The following TOP2B variants were observed in gnomAD, a reference collection of about 807,000 sequenced individuals.
TOP2B encodes DNA topoisomerase 2-beta.
Under a neutral mutation model 193.5 loss-of-function variants are expected in TOP2B, and 51 were observed. The ratio of observed to expected loss-of-function variants is 0.26; its 90% CI spans 0.21 to 0.33. The LOEUF (loss-of-function observed/expected upper bound fraction) is 0.33, where lower values mean the gene tolerates loss of function less well. TOP2B is among the 10% of genes least tolerant of loss of function. The pLI, the probability that TOP2B is intolerant of heterozygous loss-of-function variation, is 1.00. For missense variants in TOP2B, 1,378 were observed against 1,909.3 expected (o/e 0.72, Z 5.19); for synonymous variants, 634 against 635.7 (o/e 1.00, Z 0.04).
At chr3:25,641,972 A>G (rs2125392911) in intron 4 of TOP2B, among the ~76,000 whole-genome samples, 1 of 152,238 alleles carries the variant, frequency 6.6e-6, no homozygotes, top group East Asian at 1.9e-4. Flanking sequence ...AACTCCAAAC[A>G]CCAGTCATGA....
At chr3:25,631,079 A>G in intron 10 of TOP2B, 140 bp from the exon 11 acceptor site, 1 of 583,808 alleles carries the variant, frequency 1.7e-6, no homozygotes, top group Non-Finnish European at 2.8e-6. Context: ...GATAAGCATC[A>G]TGATACATGC....
Position 25,632,783 on chromosome 3 carries a change from G to A in TOP2B, c.1038C>T (p.His346=), listed in dbSNP as rs375158958. 4.7e-5 allele frequency: 75 copies of A among 1,611,944 alleles called. 2 individuals carry two copies. In the Middle Eastern group the frequency reaches 5.0e-4, roughly 11 times the overall value. ...NSIATTKGGR[H]VDYVVDQVVG... The stretch of plus-strand genomic sequence containing the variant: ...CAACTTGATCTACCACATAATCCAC[G>A]TGCCGTCCACCCTAAAGAAAAAAAA... Residue 346 remains histidine (H), a synonymous_variant, in exon 9 of 36, where the codon CAC becomes CAT. Coordinates refer to ENST00000264331, the MANE Select transcript of TOP2B (RefSeq NM_001330700.2).
At chr3:25,646,453 A>C (rs1350750555) in intron 1 of TOP2B, among the ~76,000 whole-genome samples, 2 of 152,184 alleles carry the variant, frequency 1.3e-5, no homozygotes, top group Non-Finnish European at 2.9e-5. Flanking sequence ...GAGGATGTCA[A>C]ATCAAATTTC....
At chr3:25,601,063 G>C (rs756684983) in intron 34 of TOP2B, 37 bp downstream of exon 34, 31 of 1,598,520 alleles carry the variant, frequency 1.9e-5, no homozygotes, top group Non-Finnish European at 2.6e-5. Context: ...TTTCCACACA[G>C]CATATGTTTA....
In TOP2B at chr3:25,617,051, T is replaced by A. The variant is rs576002456; in HGVS notation, c.3351+1367A>T. On this transcript the variant is annotated intron_variant, in intron 25 of 35. Coordinates refer to ENST00000264331, the MANE Select transcript of TOP2B (RefSeq NM_001330700.2). Reference sequence around the variant, plus strand: ...TTTGTTACCTGAACTCCCCAAAATGTACACATGGCCAAGATGCTGAAAAAA... The same window carrying A: ...TTTGTTACCTGAACTCCCCAAAATGAACACATGGCCAAGATGCTGAAAAAA... Among the ~76,000 whole-genome samples the A allele has an allele frequency of 2.0e-5, 3 of 152,178 alleles. No individual in the cohort carries two copies. In the East Asian group the frequency reaches 5.8e-4, roughly 29 times the overall value.
chr3:25,615,199 A>G lies in TOP2B; in HGVS notation c.3591+6T>C. The G allele has an allele frequency of 6.2e-7, 1 of 1,605,698 alleles. No individual in the cohort carries two copies. Among genetic ancestry groups the G allele is most frequent in the Non-Finnish European group, 8.5e-7 (1 of 1,176,146 alleles). On this transcript the variant is annotated splice_donor_region_variant and intron_variant, in intron 27 of 35. Coordinates refer to ENST00000264331, the MANE Select transcript of TOP2B (RefSeq NM_001330700.2). ...CCAAATAAATTTTAATAGAGACTTA[A>G]CCTACATCCAGTTCTTCAACAAATG...
intron 23 of TOP2B, 83 bp from the exon 24 acceptor site, chr3:25,618,932 A>C (rs915176642): frequency 9.4e-7 from 1 of 1,061,426 alleles, no homozygotes; most frequent in African/African-American, 1.6e-5. Flanking sequence ...TACTTAAAAT[A>C]ACCATAATAT....
intron 8 of TOP2B, 85 bp from the exon 9 acceptor site, chr3:25,632,879 C>G: frequency 7.0e-6 from 8 of 1,142,536 alleles, no homozygotes; most frequent in Non-Finnish European, 1.0e-5. Context: ...ACCCTATTTT[C>G]TAAAAGAGTA....
intron 7 of TOP2B, 114 bp from the exon 8 acceptor site, chr3:25,634,128 C>T: frequency 7.8e-6 from 6 of 766,972 alleles, no homozygotes; most frequent in Non-Finnish European, 1.2e-5. Flanking sequence ...GTTCTAAGTG[C>T]ACCGATCCAA....
At chr3:25,642,418 C>G (rs1038536094) in intron 3 of TOP2B, 33 bp from the exon 4 acceptor site, 43 of 1,370,532 alleles carry the variant, frequency 3.1e-5, no homozygotes, top group Non-Finnish European at 4.2e-5. Flanking sequence ...GAGTAATATA[C>G]AAAATTATAT....
At chr3:25,611,704 A>G (rs1702375690) in intron 28 of TOP2B, among the ~76,000 whole-genome samples, 1 of 151,858 alleles carries the variant, frequency 6.6e-6, no homozygotes. Context: ...TTAATCCTCA[A>G]TAGCACCTAT....
intron 7 of TOP2B, 92 bp from the exon 8 acceptor site, chr3:25,634,106 T>C (rs1374972457): frequency 6.2e-6 from 6 of 967,774 alleles, no homozygotes; most frequent in Non-Finnish European, 9.1e-6. Context: ...TCATTTCCTC[T>C]CACTTACAAC....
chr3:25,622,186 C>CCT, intron 21 of TOP2B, among the ~76,000 whole-genome samples: 2 of 152,118 alleles, frequency 1.3e-5, no homozygotes, highest in Admixed American at 6.5e-5. Context: ...CAGTTTCATA[C>CCT]ACATAGTAGG....
At chr3:25,606,334 C>T (rs1001180798) in intron 31 of TOP2B, among the ~76,000 whole-genome samples, 1 of 152,054 alleles carries the variant, frequency 6.6e-6, no homozygotes, top group Non-Finnish European at 1.5e-5. Context: ...TCCATGTGCA[C>T]ATACCACGTA....
chr3:25,606,207 C>T, intron 31 of TOP2B, 85 bp from the exon 32 acceptor site: 1 of 638,356 alleles, frequency 1.6e-6, no homozygotes. Flanking sequence ...ATATTTACTG[C>T]AGGATTATAA....
In TOP2B at chr3:25,664,439, G is replaced by A. The variant is rs1704027353; in HGVS notation, c.-142C>T. ...GCCGACCCCCGCGCCCCATCGCGAA[G>A]ATCCGGAGCGGACGTCCAGCCGAGC... On this transcript the variant is annotated 5_prime_UTR_variant, in exon 1 of 36. Transcript: ENST00000264331. 1 of 1,254,674 alleles carries A rather than the reference G, an allele frequency of 8.0e-7. No homozygotes were observed. Among genetic ancestry groups the A allele is most frequent in the African/African-American group, 1.6e-5 (1 of 63,452 alleles). 77.7% of individuals were successfully genotyped at this position (1,254,674 alleles called of 1,614,324 possible).
chr3:25,632,830 G>A lies in TOP2B; in HGVS notation c.1027-36C>T, dbSNP rs767210784. On this transcript the variant is annotated intron_variant, in intron 8 of 35. Coordinates refer to ENST00000264331, the MANE Select transcript of TOP2B (RefSeq NM_001330700.2). Reference sequence around the variant, plus strand: ...AAAAATATATGAAATCTGAAATCCTGTATTGTTAAAGTAGCAAAATACTTT... The same window carrying A: ...AAAAATATATGAAATCTGAAATCCTATATTGTTAAAGTAGCAAAATACTTT... The A allele has an allele frequency of 2.6e-6, 4 of 1,562,316 alleles. No individual in the cohort carries two copies. In the African/African-American group the frequency reaches 5.5e-5, roughly 21 times the overall value.
At chr3:25,648,673 T>C (rs573414573) in intron 1 of TOP2B, among the ~76,000 whole-genome samples, 1 of 152,140 alleles carries the variant, frequency 6.6e-6, no homozygotes, top group Non-Finnish European at 1.5e-5. Context: ...CTGTGCAACA[T>C]GGCCAAATCT....
rs1704032949 is a variant in TOP2B at position 25,664,579 on chromosome 3, C to T, written c.-282G>A. ...CAGGGAGCGACCGGCGGCGGCCGAG[C>T]GGCGGCGTTGCCTTCTCGCCCGCCC... On this transcript the variant is annotated 5_prime_UTR_variant, in exon 1 of 36. Transcript: ENST00000264331. 2 of 1,040,356 alleles carry T rather than the reference C, an allele frequency of 1.9e-6. No individual in the cohort carries two copies. Among genetic ancestry groups the T allele is most frequent in the Admixed American group, 5.7e-5 (1 of 17,686 alleles). 64.4% of individuals were successfully genotyped at this position (1,040,356 alleles called of 1,614,324 possible).
Sources: allele counts gnomAD v4.1 joint callset (sites outside exome capture counted in the v4.1 genomes callset), GRCh38; gene constraint gnomAD v4.1.1; transcripts MANE v1.5; gene names NCBI Gene and HGNC (gene_info 2026-07-23, HGNC 2026-07-21).